Variants in RABEP1 observed in about 807,000 individuals in gnomAD.
RABEP1 encodes rab GTPase-binding effector protein 1.
A neutral mutation model predicts 123.4 loss-of-function variants in RABEP1; 51 were observed. The ratio of observed to expected loss-of-function variants is 0.41; its 90% CI spans 0.33 to 0.52. RABEP1 has a LOEUF of 0.52. Among genes scored for constraint, RABEP1 ranks in the 20% least tolerant of loss-of-function variants. The pLI, the probability that RABEP1 is intolerant of heterozygous loss-of-function variation, is 0.16. For synonymous variants in RABEP1, 347 were observed against 355.2 expected (o/e 0.98, Z 0.26); for missense variants, 888 against 996.3 (o/e 0.89, Z 1.46).
intron 9 of RABEP1, among the ~76,000 whole-genome samples, chr17:5,362,368 T>G (rs1451304090): frequency 1.3e-5 from 2 of 152,204 alleles, no homozygotes; most frequent in African/African-American, 4.8e-5. Flanking sequence ...AAGTGTTCCC[T>G]TTGACTTAGT....
At chr17:5,350,691 G>A (rs1292902231) in intron 7 of RABEP1, 62 bp downstream of exon 7, 1 of 1,546,522 alleles carries the variant, frequency 6.5e-7, no homozygotes. Context: ...ACATGTGATT[G>A]CATTACCTTA....
At chr17:5,288,588 T>G (rs1020311128) in intron 1 of RABEP1, among the ~76,000 whole-genome samples, 3 of 151,870 alleles carry the variant, frequency 2.0e-5, no homozygotes, top group African/African-American at 7.3e-5. Context: ...AGAGATGAGG[T>G]TTCGCCATGT....
chr17:5,301,056 T>G (rs560233512), intron 1 of RABEP1, among the ~76,000 whole-genome samples: 1 of 152,280 alleles, frequency 6.6e-6, no homozygotes, highest in African/African-American at 2.4e-5. Context: ...TCCTTTATGC[T>G]AAACTTTAAG....
chr17:5,383,378 C>A lies in RABEP1; in HGVS notation c.*155C>A. ...CTTCTAGAGGGAGAAGACTGTGCGG[C>A]ACAGGAAACAGCAAACAGTGGGGTG... On this transcript the variant is annotated 3_prime_UTR_variant, in exon 18 of 18. Transcript: ENST00000537505. 1 of 646,456 alleles carries A rather than the reference C, an allele frequency of 1.5e-6. No individual in the cohort carries two copies. The highest frequency in any genetic ancestry group is 2.7e-6 in the Non-Finnish European group (1 of 374,632). The allele number at this position is 646,456 out of a possible 1,614,324, so 40.0% of individuals were successfully genotyped here. A position where few individuals can be genotyped will look rare whatever the true frequency, so the allele number is the denominator to read the frequency against.
intron 1 of RABEP1, among the ~76,000 whole-genome samples, chr17:5,285,451 C>G (rs943366749): frequency 6.6e-6 from 1 of 151,998 alleles, no homozygotes; most frequent in Non-Finnish European, 1.5e-5. Flanking sequence ...ATTTTTTATT[C>G]TTGCCATGTT....
intron 3 of RABEP1, among the ~76,000 whole-genome samples, chr17:5,334,281 G>A (rs990589976): frequency 7.2e-5 from 11 of 151,798 alleles, no homozygotes; most frequent in Admixed American, 7.2e-4. Flanking sequence ...ACCCAGGCTG[G>A]AGTGCGGTGG....
chr17:5,383,756 C>A lies in RABEP1; in HGVS notation c.*533C>A. The A allele has an allele frequency of 8.5e-6, 1 of 118,336 alleles. No homozygotes were observed. Among genetic ancestry groups the A allele is most frequent in the East Asian group, 1.0e-4 (1 of 9,898 alleles). 7.3% of individuals were successfully genotyped at this position (118,336 alleles called of 1,614,324 possible). ...TGACTGTATTTTGTTTTCCTTTTAC[C>A]ATTTTATCTTATCTTGCTTTGGAGG... On this transcript the variant is annotated 3_prime_UTR_variant, in exon 18 of 18. Coordinates refer to ENST00000537505, the MANE Select transcript of RABEP1 (RefSeq NM_004703.6).
In RABEP1 at chr17:5,308,786, A is replaced by C; in HGVS notation, c.127A>C (p.Arg43=). ...QQLEQEFNQK[R]AKFKELYLAK... is the part of the protein sequence containing the mutation. The stretch of plus-strand genomic sequence containing the variant: ...GCTTGAACAAGAATTTAATCAAAAG[A>C]GAGCAAAATTTAAGGAGTTATATTT... The change falls in exon 2 of 18, where the codon AGA becomes CGA. Residue 43 remains arginine (R), a synonymous_variant. Transcript: ENST00000537505. 6.2e-7 allele frequency: 1 copy of C among 1,611,128 alleles called. No individual in the cohort carries two copies. Among genetic ancestry groups the C allele is most frequent in the Non-Finnish European group, 8.5e-7 (1 of 1,178,010 alleles).
rs200318756 is a variant in RABEP1 at position 5,361,108 on chromosome 17, T to C, written c.1096-100T>C. Reference sequence around the variant, plus strand: ...GTCTGTGAAGGTAGCACATTAATGATTATCATGTGTAATGAGTGGCGGAAT... The same window carrying C: ...GTCTGTGAAGGTAGCACATTAATGACTATCATGTGTAATGAGTGGCGGAAT... On this transcript the variant is annotated intron_variant, in intron 8 of 17. Transcript: ENST00000537505. 208 of 1,008,430 alleles carry C rather than the reference T, an allele frequency of 2.1e-4. 4 individuals carry two copies. The East Asian group carries it at 4.4e-3, about 21-fold the overall frequency. 62.5% of individuals were successfully genotyped at this position (1,008,430 alleles called of 1,614,324 possible).
chr17:5,377,075 C>G (rs1452133317), intron 13 of RABEP1, 41 bp from the exon 14 acceptor site: 33 of 1,526,480 alleles, frequency 2.2e-5, no homozygotes, highest in Non-Finnish European at 2.7e-5. Flanking sequence ...TATTTCCTTT[C>G]ACTCTCACAA....
chr17:5,379,164 A>G (rs1405025924), intron 15 of RABEP1, among the ~76,000 whole-genome samples: 1 of 152,156 alleles, frequency 6.6e-6, no homozygotes, highest in Non-Finnish European at 1.5e-5. Flanking sequence ...CACTCTCAGC[A>G]GATGCTGGCC....
intron 3 of RABEP1, among the ~76,000 whole-genome samples, chr17:5,333,406 C>T (rs541177349): frequency 6.6e-6 from 1 of 152,294 alleles, no homozygotes; most frequent in African/African-American, 2.4e-5. Context: ...TCGTGATCTG[C>T]CCGCCTCGGC....
chr17:5,369,881 G>GT (rs1910389179), intron 12 of RABEP1, among the ~76,000 whole-genome samples: 1 of 151,994 alleles, frequency 6.6e-6, no homozygotes, highest in Non-Finnish European at 1.5e-5. Flanking sequence ...TGTATTTTTA[G>GT]TAGAGACGGG....
intron 1 of RABEP1, among the ~76,000 whole-genome samples, chr17:5,286,279 A>G (rs28394154): frequency 0.021 from 3,251 of 152,314 alleles, 110 homozygotes; most frequent in African/African-American, 0.074. Context: ...ATGGATCACA[A>G]GGTCAGGCGT....
chr17:5,346,806 A>G lies in RABEP1; in HGVS notation c.665A>G (p.His222Arg). The G allele has an allele frequency of 1.3e-6, 2 of 1,574,680 alleles. No individual in the cohort carries two copies. The highest frequency in any genetic ancestry group is 1.7e-6 in the Non-Finnish European group (2 of 1,158,138). ...TTCTTTCAGGTTAAAGAACTGAATC[A>G]TTATCTGGAAGCTGAGAAATCTTGT... ...LEASKVKELNHYLEAEKSCRT... is the reference protein window; with the variant it reads ...LEASKVKELNRYLEAEKSCRT... The change falls in exon 6 of 18, where the codon CAT becomes CGT. Residue 222 changes from histidine to arginine, a missense_variant. Transcript: ENST00000537505.
chr17:5,365,313 T>G, intron 11 of RABEP1, 75 bp downstream of exon 11: 1 of 1,030,032 alleles, frequency 9.7e-7, no homozygotes, highest in Non-Finnish European at 1.4e-6. Flanking sequence ...AAAAATATAG[T>G]CATGTTTTTT....
chr17:5,368,349 T>C (rs1910255369), intron 11 of RABEP1, 21 bp from the exon 12 acceptor site: 2 of 1,508,248 alleles, frequency 1.3e-6, no homozygotes, highest in South Asian at 1.2e-5. Context: ...ACTATGTTTC[T>C]ATACATGTGT....
In RABEP1 at chr17:5,367,013, C is replaced by T. The variant is rs777505770; in HGVS notation, c.1786-1357C>T. Among the ~76,000 whole-genome samples the T allele has an allele frequency of 2.6e-4, 39 of 150,832 alleles. 1 individual carries two copies. Among genetic ancestry groups the T allele is most frequent in the South Asian group, 1.5e-3 (7 of 4,746 alleles). ...CTGAGGCAGGAGAATCGCTTGAACC[C>T]GGGAGGCGGAGGTTGCAGTGAGCCA... On this transcript the variant is annotated intron_variant, in intron 11 of 17. Coordinates refer to ENST00000537505, the MANE Select transcript of RABEP1 (RefSeq NM_004703.6).
intron 6 of RABEP1, among the ~76,000 whole-genome samples, chr17:5,348,236 C>T (rs975527001): frequency 1.3e-5 from 2 of 152,240 alleles, no homozygotes; most frequent in Non-Finnish European, 2.9e-5. Context: ...GCCTCAGCCT[C>T]CCAAAGTGCT....
Sources: allele counts gnomAD v4.1 joint callset (sites outside exome capture counted in the v4.1 genomes callset), GRCh38; gene constraint gnomAD v4.1.1; transcripts MANE v1.5; gene names NCBI Gene and HGNC (gene_info 2026-07-23, HGNC 2026-07-21).